Variants in FGFR2 observed in about 807,000 individuals in gnomAD.
FGFR2 encodes BEK fibroblast growth factor receptor.
In FGFR2, 19 loss-of-function variants were observed where a neutral mutation model predicts 95.9. The ratio of observed to expected loss-of-function variants is 0.20; its 90% confidence interval spans 0.14 to 0.29. FGFR2 has a LOEUF of 0.29. FGFR2 is among the 10% of genes least tolerant of loss of function. FGFR2 has a pLI of 1.00. For synonymous variants in FGFR2, 392 were observed against 393.3 expected (o/e 1.00, Z 0.04); for missense variants, 707 against 1,056.9 (o/e 0.67, Z 4.59).
At chr10:121,534,090 GCTTTTT>G (rs1323146258) in intron 6 of FGFR2, among the ~76,000 whole-genome samples, 8 of 131,744 alleles carry the variant, frequency 6.1e-5, no homozygotes, top group Admixed American at 6.0e-4. Context: ...TCCCAAAATG[GCTTTTT>G]TTTTTTTTTT....
intron 9 of FGFR2, among the ~76,000 whole-genome samples, chr10:121,506,561 G>A (rs1848315488): frequency 6.6e-6 from 1 of 152,100 alleles, no homozygotes; most frequent in Non-Finnish European, 1.5e-5. Context: ...GCAATTGCTT[G>A]GGACCGCAGT....
At chr10:121,481,857 G>C in intron 17 of FGFR2, 1 of 131,242 alleles carries the variant, frequency 7.6e-6, no homozygotes, top group East Asian at 1.8e-4. Context: ...TTTTTTTTGA[G>C]ACGGAGTCTC....
rs1848947887 is a variant in FGFR2, at chr10:121,510,728, G to A, written c.1287+4389C>T. ...CTATTCCTAACGTCCCCAGGAATAT[G>A]CCATTTGCCTCAAAAGTATTGCTAC... On this transcript the variant is annotated intron_variant, in intron 9 of 17. Transcript: ENST00000358487. 2.0e-5 allele frequency among the ~76,000 whole-genome samples: 3 copies of A among 152,088 alleles called. No homozygotes were observed. In the South Asian group the frequency reaches 6.2e-4, roughly 32 times the overall value.
At chr10:121,498,254 C>T (rs773906768) in intron 12 of FGFR2, among the ~76,000 whole-genome samples, 3 of 152,214 alleles carry the variant, frequency 2.0e-5, no homozygotes, top group Non-Finnish European at 2.9e-5. Context: ...GAAACAGCAG[C>T]GCCCTCTAGG....
chr10:121,537,993 T>A (rs1485761759), intron 6 of FGFR2: 1 of 205,530 alleles, frequency 4.9e-6, no homozygotes, highest in Non-Finnish European at 9.8e-6. Flanking sequence ...TAAAATGGCC[T>A]ACTTATCTGT....
In FGFR2 at chr10:121,498,495, C is replaced by T. The variant is rs2133971357; in HGVS notation, c.1672G>A (p.Gly558Arg). 6.4e-7 allele frequency: 1 copy of T among 1,571,054 alleles called. No individual in the cohort carries two copies. Among genetic ancestry groups the T allele is most frequent in the Non-Finnish European group, 8.8e-7 (1 of 1,140,660 alleles). The change falls in exon 12 of 18, where the codon GGG becomes AGG. Residue 558 changes from glycine to arginine, a missense_variant and splice_region_variant. Gly to Arg is a moderately radical substitution (Grantham distance 125, BLOSUM62 -2). This residue lies in a region of FGFR2 where 194 missense variants were observed against 267.3 expected (regional missense o/e 0.73). Coordinates refer to ENST00000358487, the MANE Select transcript of FGFR2 (RefSeq NM_000141.5). The part of the protein sequence containing the change: ...INLLGACTQD[G>R]PLYVIVEYAS... ...GAATGCAGTTTTTCCTCCTACTCAC[C>T]ATCCTGTGTGCAGGCTCCAAGAAGA...
At chr10:121,579,622 A>G (rs1319377303) in intron 2 of FGFR2, among the ~76,000 whole-genome samples, 1 of 152,150 alleles carries the variant, frequency 6.6e-6, no homozygotes. Context: ...CATCCAACAC[A>G]TTTGAGAGTA....
At chr10:121,571,238 G>C (rs1054499117) in intron 2 of FGFR2, among the ~76,000 whole-genome samples, 1 of 143,888 alleles carries the variant, frequency 6.9e-6, no homozygotes, top group Non-Finnish European at 1.5e-5. Flanking sequence ...CTCGTGATAC[G>C]CCCACCTCAG....
chr10:121,542,962 T>G (rs1274906699), intron 5 of FGFR2, among the ~76,000 whole-genome samples: 1 of 152,106 alleles, frequency 6.6e-6, no homozygotes, highest in East Asian at 1.9e-4. Flanking sequence ...TGCAAAAAAA[T>G]CCAGACATTT....
chr10:121,538,444 A>G, intron 6 of FGFR2, 148 bp downstream of exon 6: 1 of 1,179,304 alleles, frequency 8.5e-7, no homozygotes, highest in Admixed American at 1.7e-5. Context: ...TGACAGAAGC[A>G]GCCTTGTAAA....
intron 9 of FGFR2, 60 bp downstream of exon 9, chr10:121,515,057 C>T: frequency 6.5e-7 from 1 of 1,530,216 alleles, no homozygotes; most frequent in Non-Finnish European, 9.0e-7. Flanking sequence ...AGGACAAGAT[C>T]CACAAGCTGG....
chr10:121,540,807 C>A (rs537967502), intron 5 of FGFR2, among the ~76,000 whole-genome samples: 1 of 152,194 alleles, frequency 6.6e-6, no homozygotes, highest in Non-Finnish European at 1.5e-5. Flanking sequence ...CCCTTAATCA[C>A]GGCTAGTGCC....
chr10:121,553,365 C>A (rs1339328384), intron 4 of FGFR2, among the ~76,000 whole-genome samples: 3 of 152,148 alleles, frequency 2.0e-5, no homozygotes, highest in Non-Finnish European at 4.4e-5. Context: ...ATAAACGCAC[C>A]TATTCTTTTG....
intron 13 of FGFR2, among the ~76,000 whole-genome samples, chr10:121,490,137 T>G (rs992743461): frequency 6.6e-6 from 1 of 150,664 alleles, no homozygotes; most frequent in African/African-American, 2.4e-5. Context: ...AAGATCTAGC[T>G]ATTACGACTT....
rs61874067 is a variant in FGFR2, at chr10:121,546,430, T to C, written c.624+4860A>G. Among the ~76,000 whole-genome samples, 485 of 152,314 alleles carry C rather than the reference T, an allele frequency of 3.2e-3. 4 individuals are homozygous for C. Among genetic ancestry groups the C allele is most frequent in the Non-Finnish European group, 4.4e-3 (296 of 68,032 alleles). On this transcript the variant is annotated intron_variant, in intron 5 of 17. Coordinates refer to ENST00000358487, the MANE Select transcript of FGFR2 (RefSeq NM_000141.5). ...GGAGATAGAGTTATGATTCAAGTCC[T>C]TTACTATTATATCAATCACATATTA...
chr10:121,484,920 C>T (rs1415937087), intron 16 of FGFR2, among the ~76,000 whole-genome samples: 1 of 152,150 alleles, frequency 6.6e-6, no homozygotes, highest in Non-Finnish European at 1.5e-5. Context: ...CTGGAAACAC[C>T]GATTCTCTAC....
In FGFR2 at chr10:121,593,906, C is replaced by T. The variant is rs771307977; in HGVS notation, c.-89G>A. The T allele has an allele frequency of 2.5e-5, 30 of 1,213,062 alleles. No individual in the cohort carries two copies. The highest frequency in any genetic ancestry group is 4.7e-5 in the East Asian group (2 of 42,594). 75.1% of individuals were successfully genotyped at this position (1,213,062 alleles called of 1,614,324 possible). ...ACTTCCTCTACGGGCATGGACTACG[C>T]GCAATGCCTTCAGCCTGCGGTGGGC... is the stretch of plus-strand genomic sequence containing the variant. On this transcript the variant is annotated 5_prime_UTR_variant, in exon 2 of 18. Transcript: ENST00000358487.
At chr10:121,511,953 G>A (rs1318617622) in intron 9 of FGFR2, among the ~76,000 whole-genome samples, 1 of 152,162 alleles carries the variant, frequency 6.6e-6, no homozygotes, top group Admixed American at 6.5e-5. Context: ...CTCACAGGAG[G>A]AACGAAAACC....
intron 2 of FGFR2, among the ~76,000 whole-genome samples, chr10:121,588,478 G>GTC (rs1564745780): frequency 1.3e-5 from 2 of 152,110 alleles, no homozygotes; most frequent in Non-Finnish European, 1.5e-5. Context: ...CAGGGAGGAA[G>GTC]ATGGTGTGGT....
Sources: allele counts gnomAD v4.1 joint callset (sites outside exome capture counted in the v4.1 genomes callset), GRCh38; gene constraint gnomAD v4.1.1; regional missense constraint gnomAD v4.1.1; transcripts MANE v1.5; gene names NCBI Gene and HGNC (gene_info 2026-07-23, HGNC 2026-07-21).